FAM171A1: variants seen among roughly 807,000 people sequenced by gnomAD.
FAM171A1 encodes family with sequence similarity 171 member A1, also known as protein FAM171A1.
Under a neutral mutation model 74.9 loss-of-function variants are expected in FAM171A1, and 23 were observed. The ratio of observed to expected loss-of-function variants is 0.31; its 90% confidence interval spans 0.22 to 0.44. The LOEUF is 0.44. Ranked by LOEUF, FAM171A1 falls within the 20% of genes least tolerant of loss-of-function variation. FAM171A1 has a pLI of 1.00. For synonymous variants in FAM171A1, 527 were observed against 505.7 expected (o/e 1.04, Z -0.57); for missense variants, 1,162 against 1,159.2 (o/e 1.00, Z -0.03).
rs1426986136 is a variant in FAM171A1, at chr10:15,254,740, T to C, written c.558A>G (p.Gly186=). 3 of 1,613,988 alleles carry C rather than the reference T, an allele frequency of 1.9e-6. No homozygotes were observed. In the South Asian group the frequency reaches 3.3e-5, roughly 18 times the overall value. ...SEVDSFPYLR[G]LDGNGTGNST... ...AATTACCTGTTCCATTTCCGTCTAA[T>C]CCTCGCAAATAAGGAAAACTGTCCA... Residue 186 remains glycine (G), a synonymous_variant, in exon 4 of 8, where the codon GGA becomes GGG. Transcript: ENST00000378116.
chr10:15,309,186 T>G (rs1835330489), intron 1 of FAM171A1, among the ~76,000 whole-genome samples: 1 of 152,056 alleles, frequency 6.6e-6, no homozygotes, highest in African/African-American at 2.4e-5. Flanking sequence ...TAATACAAAT[T>G]AGGAACAAGC....
At position 15,213,702 on chromosome 10, in the gene FAM171A1, G is replaced by C. The variant is rs1023492804; in HGVS notation, c.1886C>G (p.Pro629Arg). The C allele has an allele frequency of 6.2e-7, 1 of 1,612,020 alleles. No homozygotes were observed. The change falls in exon 8 of 8, where the codon CCG becomes CGG. Residue 629 changes from proline to arginine, a missense_variant. Pro to Arg is a moderately radical substitution (Grantham distance 103, BLOSUM62 -2). Transcript: ENST00000378116. This position sits in a 1 kb window ranked among gnomAD's most constrained non-coding sequence, Gnocchi z 6.8. ...GGGCTGGGGCTGGATCTGTGAGGAC[G>C]GGTGTGGGAAGATCCCGGCATGGGG... is the stretch of plus-strand genomic sequence containing the variant. ...SNPHAGIFPHPSSQIQPQPLS... is the reference protein window; with the variant it reads ...SNPHAGIFPHRSSQIQPQPLS...
upstream of FAM171A1, among the ~76,000 whole-genome samples, chr10:15,373,841 G>T (rs944239423): frequency 2.0e-5 from 3 of 152,158 alleles, no homozygotes; most frequent in Non-Finnish European, 2.9e-5. Flanking sequence ...TTTCAGGGTG[G>T]AAGAAATCTT....
intron 1 of FAM171A1, among the ~76,000 whole-genome samples, chr10:15,290,207 G>A (rs1372172518): frequency 1.3e-5 from 2 of 150,814 alleles, no homozygotes; most frequent in South Asian, 2.1e-4. Context: ...CAGCCTGGAT[G>A]ACAGAGTGAA....
At chr10:15,310,824 T>C (rs1028494330) in intron 1 of FAM171A1, among the ~76,000 whole-genome samples, 8 of 150,980 alleles carry the variant, frequency 5.3e-5, no homozygotes, top group Non-Finnish European at 7.4e-5. Flanking sequence ...AGCGAGACTC[T>C]GTCTTAAAAA....
intron 1 of FAM171A1, among the ~76,000 whole-genome samples, chr10:15,322,492 G>A (rs960428427): frequency 2.6e-5 from 4 of 152,220 alleles, no homozygotes; most frequent in African/African-American, 9.7e-5. Flanking sequence ...GCAGCTAGGT[G>A]GAGTTAGGGC....
chr10:15,316,483 G>T (rs940744486), intron 1 of FAM171A1, among the ~76,000 whole-genome samples: 1 of 152,228 alleles, frequency 6.6e-6, no homozygotes, highest in East Asian at 1.9e-4. Flanking sequence ...GTGAGTCCAT[G>T]TGTCTGGCTA....
intron 3 of FAM171A1, among the ~76,000 whole-genome samples, chr10:15,273,743 T>A (rs970462447): frequency 2.0e-5 from 3 of 152,176 alleles, no homozygotes; most frequent in African/African-American, 7.2e-5. Context: ...CGCAAATCAA[T>A]AAATGTAATC....
At chr10:15,262,164 G>C (rs1052158659) in intron 3 of FAM171A1, among the ~76,000 whole-genome samples, 3 of 152,174 alleles carry the variant, frequency 2.0e-5, no homozygotes, top group Admixed American at 6.5e-5. Context: ...GCAGGGGAGA[G>C]CGTGTGGGAG....
rs561335018 is a variant in FAM171A1, at chr10:15,248,479, G to A, written c.754+160C>T. ...TCCCAAGAGAGGGTCTGAATGGCAC[G>A]GGGAAGGGTGCCGTCCCCATGAGAA... On this transcript the variant is annotated intron_variant, in intron 5 of 7. Coordinates refer to ENST00000378116, the MANE Select transcript of FAM171A1 (RefSeq NM_001010924.2). 1.6e-4 allele frequency among the ~76,000 whole-genome samples: 25 copies of A among 152,296 alleles called. 1 individual carries two copies. The highest frequency in any genetic ancestry group is 3.9e-4 in the Admixed American group (6 of 15,292).
intron 1 of FAM171A1, among the ~76,000 whole-genome samples, chr10:15,304,722 C>T (rs1466699721): frequency 6.6e-6 from 1 of 151,982 alleles, no homozygotes; most frequent in Non-Finnish European, 1.5e-5. Flanking sequence ...TTTAACTTCC[C>T]TCCCTCTCTC....
chr10:15,347,834 CAAAAAAAAAAAAAA>C (rs71390034), intron 1 of FAM171A1, among the ~76,000 whole-genome samples: 1 of 94,268 alleles, frequency 1.1e-5, no homozygotes, highest in Non-Finnish European at 2.0e-5. Context: ...GACTCCATCT[CAAAAAAAAAAAAAA>C]AAAAAAAAAA....
intron 5 of FAM171A1, among the ~76,000 whole-genome samples, chr10:15,237,941 G>C (rs1489277993): frequency 6.6e-6 from 1 of 152,118 alleles, no homozygotes; most frequent in East Asian, 1.9e-4. Context: ...TCCAATAACA[G>C]CTTTCTTAGG....
Position 15,248,849 on chromosome 10 carries a change from G to A in FAM171A1, c.578-34C>T, listed in dbSNP as rs1201511558. 14 of 1,581,902 alleles carry A rather than the reference G, an allele frequency of 8.9e-6. No individual in the cohort carries two copies. In the South Asian group the frequency reaches 1.1e-4, roughly 12 times the overall value. The stretch of plus-strand genomic sequence containing the variant: ...AAGAGGCATTTTCCATCATTTGCAT[G>A]CAAAGTACCCATGTGGGGCTGTGGA... On this transcript the variant is annotated intron_variant, in intron 4 of 7. Transcript: ENST00000378116.
In FAM171A1 at chr10:15,213,473, G is replaced by A. The variant is rs1564611397; in HGVS notation, c.2115C>T (p.Pro705=). 2 of 1,614,036 alleles carry A rather than the reference G, an allele frequency of 1.2e-6. No individual in the cohort carries two copies. The highest frequency in any genetic ancestry group is 1.7e-6 in the Non-Finnish European group (2 of 1,180,052). ...CATCCAAGGAGACGAACCACGCCCG[G>A]GGGTGCGGAAGCGGCTTCCCACCCC... The part of the protein sequence containing the change: ...ELGGGKPLPH[P]RAWFVSLDGR... The change falls in exon 8 of 8, where the codon CCC becomes CCT. Residue 705 remains proline, a synonymous_variant. Transcript: ENST00000378116. The surrounding 1 kb of genome is among the most constrained non-coding windows in gnomAD (Gnocchi z 6.8).
At chr10:15,313,838 A>C (rs1303022607) in intron 1 of FAM171A1, among the ~76,000 whole-genome samples, 2 of 152,220 alleles carry the variant, frequency 1.3e-5, no homozygotes, top group Non-Finnish European at 2.9e-5. Flanking sequence ...GTGTGTGATC[A>C]GAGAAAAGCA....
At chr10:15,303,495 G>A (rs1376894645) in intron 1 of FAM171A1, among the ~76,000 whole-genome samples, 1 of 152,096 alleles carries the variant, frequency 6.6e-6, no homozygotes, top group Non-Finnish European at 1.5e-5. Flanking sequence ...AATCTTTATA[G>A]CTCATGTCCT....
intron 1 of FAM171A1, among the ~76,000 whole-genome samples, chr10:15,349,375 A>G (rs1395533015): frequency 6.6e-6 from 1 of 152,218 alleles, no homozygotes; most frequent in African/African-American, 2.4e-5. Context: ...CTCGAGTAGG[A>G]GGGGTTCAAT....
intron 1 of FAM171A1, among the ~76,000 whole-genome samples, chr10:15,285,954 T>G (rs1013636314): frequency 2.6e-5 from 4 of 152,166 alleles, no homozygotes; most frequent in Admixed American, 6.5e-5. Flanking sequence ...TCACTGGAGG[T>G]TCGAATCTCA....
Sources: allele counts gnomAD v4.1 joint callset (sites outside exome capture counted in the v4.1 genomes callset), GRCh38; gene constraint gnomAD v4.1.1; non-coding constraint Gnocchi (gnomAD v3.1); transcripts MANE v1.5; gene names NCBI Gene and HGNC (gene_info 2026-07-23, HGNC 2026-07-21).